The following PGM5 variants were observed in gnomAD, a reference collection of about 807,000 sequenced individuals.
PGM5 encodes the protein phosphoglucomutase 5.
Under a neutral mutation model 59.2 loss-of-function variants are expected in PGM5, and 23 were observed. The ratio of observed to expected loss-of-function variants is 0.39; its 90% CI spans 0.28 to 0.55. The LOEUF (loss-of-function observed/expected upper bound fraction) is 0.55, where lower values mean the gene tolerates loss of function less well. PGM5 is among the 20% of genes least tolerant of loss of function. The pLI is 0.66. For synonymous variants in PGM5, 214 were observed against 286.0 expected, an observed-to-expected ratio of 0.75 and a Z score of 2.54; for missense variants, 574 against 748.3, an observed-to-expected ratio of 0.77 and a Z score of 2.72.
intron 6 of PGM5, among the ~76,000 whole-genome samples, chr9:68,430,815 T>C (rs12339945): frequency 0.01 from 1,558 of 152,362 alleles, 19 homozygotes; most frequent in African/African-American, 0.037. Flanking sequence ...GTGATTGTAA[T>C]TTTCTAGTTA....
At chr9:68,450,442 A>G (rs1304852432) in intron 6 of PGM5, among the ~76,000 whole-genome samples, 3 of 152,142 alleles carry the variant, frequency 2.0e-5, no homozygotes, top group African/African-American at 7.2e-5. Flanking sequence ...TCCGAAGGTG[A>G]ATGATCAAGT....
At chr9:68,523,795 A>G (rs775472197) in intron 10 of PGM5, among the ~76,000 whole-genome samples, 11 of 152,182 alleles carry the variant, frequency 7.2e-5, no homozygotes, top group African/African-American at 2.7e-4. Context: ...TTCCTCATAG[A>G]GACCAGCCCA....
chr9:68,468,377 A>G (rs147514184), intron 7 of PGM5, among the ~76,000 whole-genome samples: 266 of 152,342 alleles, frequency 1.7e-3, no homozygotes, highest in African/African-American at 5.9e-3. Context: ...TAGCAACTGG[A>G]ATGAAAACTG....
At position 68,406,720 on chromosome 9, in the gene PGM5, A is replaced by ATATATATATG. The variant is rs1563996769; in HGVS notation, c.1043+14252_1043+14253insATATGTATAT. On this transcript the variant is annotated intron_variant, in intron 6 of 10. Coordinates refer to ENST00000396396, the MANE Select transcript of PGM5 (RefSeq NM_021965.4). ...TATATATATATATATATATATATAT[A>ATATATATATG]TATATGTATATAGTGCTTACAGCAG... Among the ~76,000 whole-genome samples, 46 of 76,566 alleles carry ATATATATATG rather than the reference A, an allele frequency of 6.0e-4. 17 individuals are homozygous for ATATATATATG. The highest frequency in any genetic ancestry group is 9.6e-4 in the Non-Finnish European group (38 of 39,536). 50.2% of individuals were successfully genotyped at this position (76,566 alleles called of 152,430 possible). A position where few individuals can be genotyped will look rare whatever the true frequency, so the allele number is the denominator to read the frequency against.
At chr9:68,425,314 G>A (rs1341839244) in intron 6 of PGM5, among the ~76,000 whole-genome samples, 1 of 152,164 alleles carries the variant, frequency 6.6e-6, no homozygotes, top group South Asian at 2.1e-4. Flanking sequence ...TGGCAGGCAG[G>A]GCCCACAGTG....
In PGM5 at chr9:68,465,219, T is replaced by C. The variant is rs1274762527; in HGVS notation, c.1159+11T>C. 38 of 1,553,150 alleles carry C rather than the reference T, an allele frequency of 2.4e-5. No individual in the cohort carries two copies. Among genetic ancestry groups the C allele is most frequent in the Admixed American group, 2.3e-4 (14 of 59,580 alleles). On this transcript the variant is annotated intron_variant, in intron 7 of 10. Coordinates refer to ENST00000396396, the MANE Select transcript of PGM5 (RefSeq NM_021965.4). ...AGAGCTTTGGCACTGGTAGGCTTTG[T>C]TGGGTTGATATTACTGGGGAGGGCG...
chr9:68,429,978 C>T (rs928114561), intron 6 of PGM5, among the ~76,000 whole-genome samples: 2 of 152,210 alleles, frequency 1.3e-5, no homozygotes, highest in African/African-American at 4.8e-5. Flanking sequence ...GAAGAAGGAA[C>T]AGTATCTGGG....
At chr9:68,506,516 A>C (rs1321212775) in intron 10 of PGM5, among the ~76,000 whole-genome samples, 1 of 152,212 alleles carries the variant, frequency 6.6e-6, no homozygotes, top group Non-Finnish European at 1.5e-5. Flanking sequence ...AACAGTTGTA[A>C]AAGTGAATAG....
At chr9:68,482,979 G>C (rs543439306) in intron 8 of PGM5, among the ~76,000 whole-genome samples, 2 of 152,104 alleles carry the variant, frequency 1.3e-5, no homozygotes, top group Non-Finnish European at 2.9e-5. Context: ...GGACTTTTTT[G>C]AATGGAACAA....
intron 1 of PGM5, among the ~76,000 whole-genome samples, chr9:68,367,454 G>T (rs1355948213): frequency 6.6e-6 from 1 of 152,188 alleles, no homozygotes; most frequent in Non-Finnish European, 1.5e-5. Context: ...ACGCTAATCT[G>T]CTGAGTCGTC....
At chr9:68,393,191 G>A (rs1379860263) in intron 6 of PGM5, among the ~76,000 whole-genome samples, 1 of 151,998 alleles carries the variant, frequency 6.6e-6, no homozygotes, top group Non-Finnish European at 1.5e-5. Context: ...GTGCCTGGTG[G>A]AAAGTTAGAA....
intron 8 of PGM5, among the ~76,000 whole-genome samples, chr9:68,481,013 A>G (rs1179009729): frequency 1.3e-5 from 2 of 152,230 alleles, no homozygotes; most frequent in Non-Finnish European, 2.9e-5. Flanking sequence ...ATCCTTGGGT[A>G]GTCTCAGAGA....
chr9:68,389,530 A>C (rs1199041229), intron 4 of PGM5, among the ~76,000 whole-genome samples: 1 of 152,126 alleles, frequency 6.6e-6, no homozygotes, highest in African/African-American at 2.4e-5. Flanking sequence ...TCTTTCACTC[A>C]GCATAATAAT....
chr9:68,397,897 G>A (rs1822552458), intron 6 of PGM5: 1 of 152,210 alleles, frequency 6.6e-6, no homozygotes, highest in Non-Finnish European at 1.5e-5. Flanking sequence ...TTCCTCAGAA[G>A]GTAGTCTACA....
chr9:68,399,370 A>G (rs1822605822), intron 6 of PGM5: 1 of 151,946 alleles, frequency 6.6e-6, no homozygotes, highest in African/African-American at 2.4e-5. Flanking sequence ...ATTTTAACCA[A>G]ATACTGTCAG....
At chr9:68,484,575 CACAAA>C (rs1198813067) in intron 9 of PGM5, among the ~76,000 whole-genome samples, 14 of 145,206 alleles carry the variant, frequency 9.6e-5, no homozygotes, top group African/African-American at 3.4e-4. Flanking sequence ...CACACACACA[CACAAA>C]ACAAAACAAA....
At position 68,423,214 on chromosome 9, in the gene PGM5, A is replaced by T. The variant is rs1235593418; in HGVS notation, c.1043+30741A>T. ...GTGCAAGTATCTTTTTCGTATAATG[A>T]CTTCTTTTCCTCTGAGTGGACACCC... On this transcript the variant is annotated intron_variant, in intron 6 of 10. Coordinates refer to ENST00000396396, the MANE Select transcript of PGM5 (RefSeq NM_021965.4). Among the ~76,000 whole-genome samples, 9 of 151,920 alleles carry T rather than the reference A, an allele frequency of 5.9e-5. No homozygotes were observed. The East Asian group carries it at 1.3e-3, about 23-fold the overall frequency.
chr9:68,370,236 A>T (rs2131982291), intron 1 of PGM5, among the ~76,000 whole-genome samples: 1 of 152,324 alleles, frequency 6.6e-6, no homozygotes, highest in South Asian at 2.1e-4. Flanking sequence ...TAACACAGTG[A>T]GCAGAGGATA....
chr9:68,426,233 T>G (rs1823235432), intron 6 of PGM5, among the ~76,000 whole-genome samples: 1 of 147,426 alleles, frequency 6.8e-6, no homozygotes, highest in Non-Finnish European at 1.5e-5. Context: ...GTCACTTATC[T>G]TCCTAAATCC....
Sources: gnomAD v4.1 joint callset for allele counts (sites outside exome capture counted in the v4.1 genomes callset) on GRCh38, gnomAD v4.1.1 for gene constraint, MANE v1.5 for transcripts, NCBI Gene and HGNC (gene_info 2026-07-23, HGNC 2026-07-21) for gene names.